The following SGCZ variants were observed in gnomAD, a reference collection of about 807,000 sequenced individuals.
SGCZ encodes the protein zeta-sarcoglycan.
Under a neutral mutation model 41.3 loss-of-function variants are expected in SGCZ, and 40 were observed. The observed-to-expected ratio is 0.97, with a 90% CI of 0.75 to 1.26. The LOEUF (loss-of-function observed/expected upper bound fraction) is 1.26. Ranked by LOEUF, SGCZ falls within the 50% of genes most tolerant of loss-of-function variation. SGCZ has a pLI of 0.00. For synonymous variants in SGCZ, 206 were observed against 137.5 expected (o/e 1.50, Z -3.49); for missense variants, 552 against 369.8 (o/e 1.49, Z -4.04).
chr8:14,680,129 G>C (rs1808396164), intron 1 of SGCZ, among the ~76,000 whole-genome samples: 1 of 152,050 alleles, frequency 6.6e-6, no homozygotes. Context: ...ATGACTATAT[G>C]TGATATTCTG....
rs751436988 is a variant in SGCZ at position 14,237,703 on chromosome 8, T to C, written c.337-24A>G. ...TCCTGGGAAACATGTATAAAATAAA[T>C]AAATAGAAAATAGAAATATCGTCAA... is the stretch of plus-strand genomic sequence containing the variant. On this transcript the variant is annotated intron_variant, in intron 3 of 7. Coordinates refer to ENST00000382080, the MANE Select transcript of SGCZ (RefSeq NM_139167.4). 5 of 1,585,314 alleles carry C rather than the reference T, an allele frequency of 3.2e-6. No individual in the cohort carries two copies. In the Admixed American group the frequency reaches 5.3e-5, roughly 17 times the overall value.
intron 2 of SGCZ, among the ~76,000 whole-genome samples, chr8:14,545,881 T>C (rs13249395): frequency 0.13 from 20,338 of 152,210 alleles, 1,625 homozygotes; most frequent in South Asian, 0.19. Context: ...GCACTTGCTA[T>C]GTATGATTTT....
At chr8:14,187,623 A>C (rs1804947653) in intron 4 of SGCZ, among the ~76,000 whole-genome samples, 1 of 152,158 alleles carries the variant, frequency 6.6e-6, no homozygotes. Flanking sequence ...GGAAGAAAAA[A>C]AGAATTAATG....
intron 3 of SGCZ, among the ~76,000 whole-genome samples, chr8:14,284,896 G>T (rs1246369602): frequency 2.0e-5 from 3 of 152,014 alleles, no homozygotes; most frequent in Admixed American, 2.0e-4. Flanking sequence ...CTTTTCTGTT[G>T]ATTTTTGATC....
intron 3 of SGCZ, among the ~76,000 whole-genome samples, chr8:14,250,224 G>A (rs555714532): frequency 6.6e-6 from 1 of 152,200 alleles, no homozygotes; most frequent in African/African-American, 2.4e-5. Context: ...TCTGGAGTGT[G>A]GCCCCAAATC....
At chr8:14,862,543 T>C (rs1242480326) in intron 1 of SGCZ, among the ~76,000 whole-genome samples, 1 of 53,790 alleles carries the variant, frequency 1.9e-5, no homozygotes, top group South Asian at 6.0e-4. Context: ...AAGATATATA[T>C]ATATATATAT....
chr8:14,679,467 A>G (rs942339590), intron 1 of SGCZ, among the ~76,000 whole-genome samples: 2 of 151,694 alleles, frequency 1.3e-5, no homozygotes, highest in Non-Finnish European at 2.9e-5. Flanking sequence ...GTGTTCGTGT[A>G]TTAGTTTTTA....
rs773220477 is a variant in SGCZ at position 14,661,889 on chromosome 8, A to G, written c.40-106963T>C. On this transcript the variant is annotated intron_variant, in intron 1 of 7. Transcript: ENST00000382080. ...GATAATTTATCTTTGGCTTGTCCCC[A>G]GAGACAATGGGGTATCTTGATAATT... Among the ~76,000 whole-genome samples, 64 of 152,048 alleles carry G rather than the reference A, an allele frequency of 4.2e-4. 1 individual carries two copies. The highest frequency in any genetic ancestry group is 1.1e-3 in the Admixed American group (17 of 15,250).
intron 2 of SGCZ, among the ~76,000 whole-genome samples, chr8:14,428,133 CATAT>C (rs1317674347): frequency 3.3e-3 from 41 of 12,548 alleles, no homozygotes; most frequent in African/African-American, 0.012. Context: ...CACACACACA[CATAT>C]ATATATATAT....
chr8:14,524,739 G>A (rs1291665407), intron 2 of SGCZ, among the ~76,000 whole-genome samples: 2 of 152,026 alleles, frequency 1.3e-5, no homozygotes, highest in Non-Finnish European at 2.9e-5. Context: ...GTACTTAGTG[G>A]CAGGAATAAG....
At chr8:15,210,398 G>C (rs554990347) in intron 1 of SGCZ, among the ~76,000 whole-genome samples, 1 of 152,014 alleles carries the variant, frequency 6.6e-6, no homozygotes, top group Non-Finnish European at 1.5e-5. Flanking sequence ...CTCTTCTTCA[G>C]TTTCCGTAAT....
At chr8:14,375,800 A>T (rs1357929866) in intron 2 of SGCZ, among the ~76,000 whole-genome samples, 1 of 152,204 alleles carries the variant, frequency 6.6e-6, no homozygotes, top group African/African-American at 2.4e-5. Context: ...TAAATTCCCA[A>T]ATTAAAATCA....
intron 2 of SGCZ, among the ~76,000 whole-genome samples, chr8:14,376,217 A>G (rs1229882604): frequency 6.6e-6 from 1 of 152,186 alleles, no homozygotes; most frequent in Non-Finnish European, 1.5e-5. Flanking sequence ...AGGCTGAGGC[A>G]GGAGAATTCC....
chr8:14,302,532 C>G (rs1368399986), intron 3 of SGCZ, among the ~76,000 whole-genome samples: 1 of 152,054 alleles, frequency 6.6e-6, no homozygotes, highest in Non-Finnish European at 1.5e-5. Context: ...AAGTTCTGAC[C>G]TACACCCTCT....
chr8:14,737,488 G>A (rs980223300), intron 1 of SGCZ, among the ~76,000 whole-genome samples: 28 of 152,216 alleles, frequency 1.8e-4, no homozygotes, highest in African/African-American at 6.0e-4. Flanking sequence ...TCGTGCTTAT[G>A]TCTCAAGCAC....
chr8:14,807,789 A>C (rs1801594478), intron 1 of SGCZ, among the ~76,000 whole-genome samples: 1 of 152,192 alleles, frequency 6.6e-6, no homozygotes, highest in Admixed American at 6.5e-5. Flanking sequence ...CCTAAGCCAA[A>C]AGAACAAAGC....
At chr8:14,916,620 AC>A (rs1799446289) in intron 1 of SGCZ, among the ~76,000 whole-genome samples, 2 of 152,186 alleles carry the variant, frequency 1.3e-5, no homozygotes, top group Admixed American at 6.5e-5. Context: ...CAAAAAAGCA[AC>A]TTCACTTCAT....
At chr8:15,167,689 A>AG (rs1799706661) in intron 1 of SGCZ, among the ~76,000 whole-genome samples, 2 of 151,652 alleles carry the variant, frequency 1.3e-5, no homozygotes, top group Admixed American at 1.3e-4. Flanking sequence ...TTAAAAAAAA[A>AG]TACGGTCTAG....
chr8:14,369,666 T>C (rs1803842165), intron 2 of SGCZ, among the ~76,000 whole-genome samples: 1 of 152,058 alleles, frequency 6.6e-6, no homozygotes, highest in Non-Finnish European at 1.5e-5. Flanking sequence ...TTAATGATTG[T>C]TCTTTTAATT....
Sources: allele counts gnomAD v4.1 joint callset (sites outside exome capture counted in the v4.1 genomes callset), GRCh38; gene constraint gnomAD v4.1.1; transcripts MANE v1.5; gene names NCBI Gene and HGNC (gene_info 2026-07-23, HGNC 2026-07-21).